The following STIM1 variants were observed in gnomAD, a reference collection of about 807,000 sequenced individuals.
STIM1 encodes stromal interaction molecule 1.
STIM1 carries 25 observed loss-of-function variants against 74.7 expected under a neutral mutation model. The ratio of observed to expected loss-of-function variants is 0.33; its 90% confidence interval spans 0.24 to 0.47. STIM1 has a LOEUF of 0.47. Ranked by LOEUF, STIM1 falls within the 20% of genes least tolerant of loss-of-function variation. STIM1 has a pLI of 1.00. For missense variants in STIM1, 728 were observed against 920.8 expected (o/e 0.79, Z 2.71); for synonymous variants, 328 against 348.8 (o/e 0.94, Z 0.66).
intron 1 of STIM1, among the ~76,000 whole-genome samples, chr11:3,932,400 C>T (rs893089420): frequency 2.6e-5 from 4 of 152,138 alleles, no homozygotes; most frequent in Non-Finnish European, 4.4e-5. Flanking sequence ...TGGTGGCTCA[C>T]GCCTGTAATC....
intron 1 of STIM1, among the ~76,000 whole-genome samples, chr11:3,895,738 TTC>T (rs1491174527): frequency 3.1e-5 from 1 of 31,812 alleles, no homozygotes; most frequent in Admixed American, 3.6e-4. Context: ...TTCTTTCTTT[TTC>T]TTTCTTCCTT....
intron 12 of STIM1, chr11:4,086,746 G>A (rs2094496130): frequency 2.6e-6 from 4 of 1,537,308 alleles, no homozygotes; most frequent in Non-Finnish European, 8.7e-7. Context: ...CACCGTCCAT[G>A]TCCACCCTGT....
intron 1 of STIM1, among the ~76,000 whole-genome samples, chr11:3,950,156 C>CA (rs1219445870): frequency 7.1e-6 from 1 of 140,330 alleles, no homozygotes; most frequent in Non-Finnish European, 1.5e-5. Flanking sequence ...TTTTTTGAGA[C>CA]AGAGTCTTGC....
Position 3,925,005 on chromosome 11 carries a change from C to T in STIM1, c.140-42547C>T, listed in dbSNP as rs367958057. ...CTTACTTTCTAGAAAATACCTCATG[C>T]TCCATAATTTATAATAATATTTGTT... is the stretch of plus-strand genomic sequence containing the variant. On this transcript the variant is annotated intron_variant, in intron 1 of 12. Transcript: ENST00000526596. Among the ~76,000 whole-genome samples, 8 of 152,246 alleles carry T rather than the reference C, an allele frequency of 5.3e-5. No individual in the cohort carries two copies. In the East Asian group the frequency reaches 7.7e-4, roughly 15 times the overall value.
chr11:4,057,195 T>C (rs938738625), intron 4 of STIM1, among the ~76,000 whole-genome samples: 1 of 152,248 alleles, frequency 6.6e-6, no homozygotes, highest in African/African-American at 2.4e-5. Context: ...ATAGCAATAT[T>C]GCCTTGTGGA....
At chr11:4,069,000 A>G (rs2094386369) in intron 5 of STIM1, among the ~76,000 whole-genome samples, 1 of 152,200 alleles carries the variant, frequency 6.6e-6, no homozygotes, top group African/African-American at 2.4e-5. Flanking sequence ...ACAGAGGGTC[A>G]TTAGCCCTGG....
chr11:4,028,409 CTTT>C (rs2094016934), intron 3 of STIM1, among the ~76,000 whole-genome samples: 2 of 148,856 alleles, frequency 1.3e-5, no homozygotes, highest in South Asian at 4.3e-4. Flanking sequence ...CTTTCTTTTT[CTTT>C]TCTTTTTTTT....
chr11:4,061,389 G>A (rs2094329664), intron 5 of STIM1, among the ~76,000 whole-genome samples: 1 of 152,128 alleles, frequency 6.6e-6, no homozygotes, highest in South Asian at 2.1e-4. Context: ...GAGATCAGCA[G>A]GAAAACTATC....
intron 2 of STIM1, chr11:3,974,283 A>T: frequency 3.1e-6 from 1 of 319,968 alleles, no homozygotes; most frequent in Non-Finnish European, 5.8e-6. Context: ...AGCGGCATCC[A>T]TGGGTAGAAA....
chr11:3,904,872 T>C (rs1375155321), intron 1 of STIM1, among the ~76,000 whole-genome samples: 1 of 152,008 alleles, frequency 6.6e-6, no homozygotes, highest in Non-Finnish European at 1.5e-5. Flanking sequence ...GTTTTGGAGT[T>C]CCTGAGAGAG....
At chr11:3,881,146 G>A (rs1463132824) in intron 1 of STIM1, among the ~76,000 whole-genome samples, 1 of 149,396 alleles carries the variant, frequency 6.7e-6, no homozygotes, top group African/African-American at 2.5e-5. Context: ...ATTTTAAAGT[G>A]TACAATTCAG....
intron 2 of STIM1, among the ~76,000 whole-genome samples, chr11:4,005,341 C>T (rs2093767032): frequency 1.3e-5 from 2 of 152,080 alleles, no homozygotes. Flanking sequence ...CCCAAATGTC[C>T]AACAATGATA....
intron 1 of STIM1, among the ~76,000 whole-genome samples, chr11:3,943,484 G>A (rs1218978773): frequency 6.6e-6 from 1 of 152,176 alleles, no homozygotes; most frequent in Admixed American, 6.5e-5. Context: ...AGACAATAAA[G>A]ACTGTAAGCT....
chr11:3,856,255 A>G lies in STIM1; in HGVS notation c.-16A>G, dbSNP rs201586341. On this transcript the variant is annotated 5_prime_UTR_variant, in exon 1 of 13. Transcript: ENST00000526596. ...AGGTGTCCACATCAGACGCATGTTG[A>G]CTGAGACCTAGAGTCATGGATGTAT... is the stretch of plus-strand genomic sequence containing the variant. The G allele has an allele frequency of 2.5e-6, 4 of 1,613,796 alleles. No homozygotes were observed. Among genetic ancestry groups the G allele is most frequent in the Admixed American group, 1.7e-5 (1 of 60,004 alleles).
chr11:4,058,483 T>C (rs534813020), intron 4 of STIM1, among the ~76,000 whole-genome samples: 2 of 152,194 alleles, frequency 1.3e-5, no homozygotes, highest in Non-Finnish European at 2.9e-5. Context: ...ACCAATCTTA[T>C]AGAGTAGTAT....
intron 2 of STIM1, among the ~76,000 whole-genome samples, chr11:4,009,562 C>G (rs1451316212): frequency 6.6e-6 from 1 of 151,848 alleles, no homozygotes; most frequent in East Asian, 1.9e-4. Context: ...GAGCTGAGAT[C>G]ATGCCACTGC....
chr11:3,973,968 T>C, intron 2 of STIM1: 1 of 631,178 alleles, frequency 1.6e-6, no homozygotes, highest in South Asian at 1.7e-5. Flanking sequence ...GCATGTGGTC[T>C]TTGAGAATCT....
At chr11:3,954,214 G>A (rs969168654) in intron 1 of STIM1, among the ~76,000 whole-genome samples, 1 of 151,926 alleles carries the variant, frequency 6.6e-6, no homozygotes, top group African/African-American at 2.4e-5. Flanking sequence ...TGCTTGTGTG[G>A]TCTCTTGCCC....
intron 3 of STIM1, 61 bp downstream of exon 3, chr11:4,024,048 C>A: frequency 7.1e-7 from 1 of 1,411,214 alleles, no homozygotes; most frequent in African/African-American, 1.4e-5. Flanking sequence ...AGAGAAGCAG[C>A]AACTTGGCCT....
Sources: allele counts gnomAD v4.1 joint callset (sites outside exome capture counted in the v4.1 genomes callset), GRCh38; gene constraint gnomAD v4.1.1; transcripts MANE v1.5; gene names NCBI Gene and HGNC (gene_info 2026-07-23, HGNC 2026-07-21).